The following CDH23 variants were observed in gnomAD, a reference collection of about 807,000 sequenced individuals.
The protein encoded by CDH23 is cadherin related 23.
A neutral mutation model predicts 317.1 loss-of-function variants in CDH23; 189 were observed. That is an observed-to-expected ratio of 0.60 (90% CI 0.53 to 0.67). CDH23 has a LOEUF of 0.67. CDH23 is among the 30% of genes least tolerant of loss of function. The pLI, the probability that CDH23 is intolerant of heterozygous loss-of-function variation, is 0.00. For synonymous variants in CDH23, 1,839 were observed against 1,876.8 expected (o/e 0.98, Z 0.52); for missense variants, 4,401 against 4,592.4 (o/e 0.96, Z 1.20).
At chr10:71,627,973 G>A (rs978003155) in intron 11 of CDH23, among the ~76,000 whole-genome samples, 8 of 152,050 alleles carry the variant, frequency 5.3e-5, no homozygotes, top group Non-Finnish European at 1.2e-4. Context: ...TTCGTTGTGG[G>A]TGCCAGTGAA....
In CDH23 at chr10:71,785,714, G is replaced by A. The variant is rs370965108; in HGVS notation, c.5796G>A (p.Pro1932=). The change falls in exon 44 of 70, where the codon CCG becomes CCA. Residue 1932 remains proline, a synonymous_variant. Transcript: ENST00000224721. The part of the protein sequence containing the change: ...YKLTISVKDN[P]ENPRIARRDY... Reference sequence around the variant, plus strand: ...TGACCATTTCTGTGAAGGACAACCCGGAGAATCCACGCATAGCCAGGAGGG... The same window carrying A: ...TGACCATTTCTGTGAAGGACAACCCAGAGAATCCACGCATAGCCAGGAGGG... 5.9e-5 allele frequency: 94 copies of A among 1,606,634 alleles called. No homozygotes were observed. Among genetic ancestry groups the A allele is most frequent in the South Asian group, 1.2e-4 (11 of 89,280 alleles).
intron 14 of CDH23, chr10:71,646,825 C>T: frequency 6.7e-7 from 1 of 1,496,358 alleles, no homozygotes. Flanking sequence ...GGAAAAGGAG[C>T]CAACCTGAGG....
chr10:71,601,966 G>C (rs917386712), intron 9 of CDH23, among the ~76,000 whole-genome samples: 5 of 151,652 alleles, frequency 3.3e-5, no homozygotes, highest in East Asian at 2.0e-4. Context: ...GGCGGAGGGG[G>C]GGGGGCTCTG....
At chr10:71,403,958 G>GGCACATGCCT (rs1265948974) in intron 1 of CDH23, among the ~76,000 whole-genome samples, 1 of 152,150 alleles carries the variant, frequency 6.6e-6, no homozygotes, top group African/African-American at 2.4e-5. Flanking sequence ...TGGGCATGGT[G>GGCACATGCCT]GCACATGCCT....
rs1409756371 is a variant in CDH23, at chr10:71,631,936, C to A, written c.1135-11925C>A. On this transcript the variant is annotated intron_variant, in intron 11 of 69. Coordinates refer to ENST00000224721, the MANE Select transcript of CDH23 (RefSeq NM_022124.6). ...AATTCCATGACATTCTCAAAAAAGA[C>A]AAACTTATAGGAACAGAGAACAGGT... Among the ~76,000 whole-genome samples the A allele has an allele frequency of 2.0e-5, 3 of 152,178 alleles. No homozygotes were observed. The East Asian group carries it at 5.8e-4, about 29-fold the overall frequency.
At chr10:71,626,100 C>T (rs1053622116) in intron 11 of CDH23, among the ~76,000 whole-genome samples, 4 of 152,216 alleles carry the variant, frequency 2.6e-5, no homozygotes, top group African/African-American at 9.6e-5. Flanking sequence ...GAAGCGCATA[C>T]AGGATTATAA....
intron 36 of CDH23, 42 bp downstream of exon 36, chr10:71,739,814 G>A: frequency 6.3e-7 from 1 of 1,575,546 alleles, no homozygotes; most frequent in South Asian, 1.1e-5. Flanking sequence ...CACTGGCTAA[G>A]TGCCTAGACC....
chr10:71,641,948 T>C (rs552915403), intron 11 of CDH23, among the ~76,000 whole-genome samples: 3 of 152,102 alleles, frequency 2.0e-5, no homozygotes, highest in African/African-American at 4.8e-5. Context: ...ATACAAAAAT[T>C]AGCCGGGCAT....
intron 20 of CDH23, among the ~76,000 whole-genome samples, chr10:71,692,854 C>T (rs1010931630): frequency 1.3e-5 from 2 of 152,188 alleles, no homozygotes; most frequent in Non-Finnish European, 2.9e-5. Flanking sequence ...AGGCCCTGCC[C>T]GTGGAGAATG....
At chr10:71,800,535 T>C in intron 52 of CDH23, 101 bp from the exon 53 acceptor site, 1 of 1,344,816 alleles carries the variant, frequency 7.4e-7, no homozygotes, top group Non-Finnish European at 1.0e-6. Context: ...TTTTGTTCAG[T>C]GTCAAATCTC....
At chr10:71,491,576 G>A (rs898876495) in intron 3 of CDH23, among the ~76,000 whole-genome samples, 1 of 152,148 alleles carries the variant, frequency 6.6e-6, no homozygotes, top group Non-Finnish European at 1.5e-5. Context: ...CTCAGCAGAG[G>A]CCATACTCTA....
intron 38 of CDH23, among the ~76,000 whole-genome samples, chr10:71,769,149 G>A (rs572366359): frequency 1.3e-5 from 2 of 152,282 alleles, no homozygotes; most frequent in Admixed American, 1.3e-4. Context: ...TATAGAAGAG[G>A]TTATTCCCTT....
intron 1 of CDH23, among the ~76,000 whole-genome samples, chr10:71,423,764 T>C (rs1421752987): frequency 6.6e-6 from 1 of 152,046 alleles, no homozygotes; most frequent in African/African-American, 2.4e-5. Flanking sequence ...GAAAATGAGG[T>C]GGTGTTCCTG....
chr10:71,572,530 G>T (rs1014523448), intron 8 of CDH23, among the ~76,000 whole-genome samples: 5 of 152,186 alleles, frequency 3.3e-5, no homozygotes, highest in Non-Finnish European at 7.3e-5. Flanking sequence ...AGATGGTAAT[G>T]GAATGGATAA....
intron 55 of CDH23, among the ~76,000 whole-genome samples, chr10:71,804,064 G>GT (rs34870874): frequency 0.15 from 23,364 of 151,408 alleles, 1,998 homozygotes; most frequent in East Asian, 0.24. Context: ...AGTGACTTCT[G>GT]TAAGTCTGTT....
Position 71,807,650 on chromosome 10 carries a change from C to G in CDH23, c.8443C>G (p.Arg2815Gly), listed in dbSNP as rs768583951. The G allele has an allele frequency of 6.2e-7, 1 of 1,613,978 alleles. No homozygotes were observed. The highest frequency in any genetic ancestry group is 1.1e-5 in the South Asian group (1 of 91,090). ...CAGCAATCGCAGCTGGACACCTCCC[C>G]GTGGACCCTCCCCAACCCTCGACCT... ...ASSNRSWTPP[R>G]GPSPTLDLVA... Residue 2815 changes from arginine (R) to glycine (G), a missense_variant, in exon 59 of 70, where the codon CGT becomes GGT. By Grantham distance (125) the Arg-to-Gly change is moderately radical. Coordinates refer to ENST00000224721, the MANE Select transcript of CDH23 (RefSeq NM_022124.6).
rs555432770 is a variant in CDH23, at chr10:71,578,330, T to C, written c.832+338T>C. On this transcript the variant is annotated intron_variant, in intron 9 of 69. Transcript: ENST00000224721. ...GGGCCTGGGACTTTGGTGACTCCTA[T>C]CTAACCTCCTGCAGCGCTCTGGGTT... is the stretch of plus-strand genomic sequence containing the variant. Among the ~76,000 whole-genome samples, 153 of 152,290 alleles carry C rather than the reference T, an allele frequency of 1.0e-3. 2 individuals are homozygous for C. Among genetic ancestry groups the C allele is most frequent in the African/African-American group, 9.9e-4 (41 of 41,554 alleles).
At chr10:71,448,662 T>G (rs1850288217) in intron 3 of CDH23, among the ~76,000 whole-genome samples, 1 of 152,208 alleles carries the variant, frequency 6.6e-6, no homozygotes, top group Non-Finnish European at 1.5e-5. Flanking sequence ...TCTCTGGGCC[T>G]CTATCTCCTC....
chr10:71,539,410 G>T (rs754389377), intron 6 of CDH23, among the ~76,000 whole-genome samples: 4 of 152,148 alleles, frequency 2.6e-5, no homozygotes, highest in African/African-American at 7.2e-5. Context: ...TCAGCTTAGT[G>T]TGCAGGGCCA....
Sources: allele counts gnomAD v4.1 joint callset (sites outside exome capture counted in the v4.1 genomes callset), GRCh38; gene constraint gnomAD v4.1.1; transcripts MANE v1.5; gene names NCBI Gene and HGNC (gene_info 2026-07-23, HGNC 2026-07-21).